PTPRK: variants seen among roughly 807,000 people sequenced by gnomAD.
PTPRK encodes the protein protein tyrosine phosphatase receptor type K.
A neutral mutation model predicts 178.0 loss-of-function variants in PTPRK; 75 were observed. The observed-to-expected ratio is 0.42, with a 90% confidence interval of 0.35 to 0.51. The LOEUF (loss-of-function observed/expected upper bound fraction) is 0.51. PTPRK is among the 20% of genes least tolerant of loss of function. The pLI, the probability that PTPRK is intolerant of heterozygous loss-of-function variation, is 0.02. For synonymous variants in PTPRK, 637 were observed against 620.6 expected (o/e 1.03, Z -0.39); for missense variants, 1,441 against 1,797.8 (o/e 0.80, Z 3.59).
intron 2 of PTPRK, among the ~76,000 whole-genome samples, chr6:128,385,121 T>C (rs1838515752): frequency 6.7e-6 from 1 of 149,440 alleles, no homozygotes; most frequent in Admixed American, 6.7e-5. Context: ...AATTTTAAAA[T>C]ACTGGTATTA....
chr6:128,105,022 C>T (rs1457498634), intron 7 of PTPRK, among the ~76,000 whole-genome samples: 1 of 151,920 alleles, frequency 6.6e-6, no homozygotes, highest in Non-Finnish European at 1.5e-5. Context: ...TAATGATATT[C>T]ATTTTTAATT....
Position 127,976,682 on chromosome 6 carries a change from A to C in PTPRK, c.3944T>G (p.Ile1315Ser). 6.2e-7 allele frequency: 1 copy of C among 1,614,062 alleles called. No individual in the cohort carries two copies. The stretch of plus-strand genomic sequence containing the variant: ...TCTTGTTAGATTGCATATCCTAAAA[A>C]TCCGGTTGATCACATCACAGTCCAT... ...CSMDCDVINR[I>S]FRICNLTRPQ... The change falls in exon 27 of 30, where the codon ATT (isoleucine) becomes AGT (serine). Residue 1315 changes from isoleucine to serine, a missense_variant. Ile to Ser is a moderately radical substitution (Grantham distance 142, BLOSUM62 -2). This residue lies in a region of PTPRK where 335 missense variants were observed against 512.4 expected (regional missense o/e 0.65). Coordinates refer to ENST00000368226, the MANE Select transcript of PTPRK (RefSeq NM_002844.4).
chr6:128,231,168 C>T (rs1034238357), intron 5 of PTPRK, among the ~76,000 whole-genome samples: 2 of 152,132 alleles, frequency 1.3e-5, no homozygotes, highest in Non-Finnish European at 2.9e-5. Context: ...GATATGAGAT[C>T]GGTGACTTTA....
At chr6:128,044,843 A>G (rs1033545424) in intron 13 of PTPRK, among the ~76,000 whole-genome samples, 1 of 152,032 alleles carries the variant, frequency 6.6e-6, no homozygotes, top group Non-Finnish European at 1.5e-5. Context: ...GTGTGTGTAT[A>G]TATATATAGT....
chr6:128,233,156 G>A (rs916352217), intron 5 of PTPRK, among the ~76,000 whole-genome samples: 3 of 152,202 alleles, frequency 2.0e-5, no homozygotes, highest in African/African-American at 7.2e-5. Context: ...AAACATCTGG[G>A]CTTGCCAAAT....
At position 128,080,849 on chromosome 6, in the gene PTPRK, T is replaced by A. The variant is rs1784690913; in HGVS notation, c.1777+1588A>T. ...ATTAATAATTGTTCTTAACATAAAGTGATTGCAACCAAGTTTTTAAAGTAC... is the reference window on the plus strand; with the variant it reads ...ATTAATAATTGTTCTTAACATAAAGAGATTGCAACCAAGTTTTTAAAGTAC... On this transcript the variant is annotated intron_variant, in intron 10 of 29. Transcript: ENST00000368226. Among the ~76,000 whole-genome samples the A allele has an allele frequency of 4.6e-5, 7 of 152,048 alleles. No individual in the cohort carries two copies. In the South Asian group the frequency reaches 1.4e-3, roughly 31 times the overall value.
chr6:128,392,618 CAT>C (rs1460916623), intron 2 of PTPRK, among the ~76,000 whole-genome samples: 9 of 152,092 alleles, frequency 5.9e-5, no homozygotes, highest in Admixed American at 5.2e-4. Context: ...CAAGAACACA[CAT>C]GTCTTTGAGA....
At chr6:128,376,083 C>T (rs994889688) in intron 2 of PTPRK, among the ~76,000 whole-genome samples, 1 of 152,134 alleles carries the variant, frequency 6.6e-6, no homozygotes, top group Non-Finnish European at 1.5e-5. Context: ...AGTGGATCTA[C>T]TATTCTGGTG....
chr6:128,520,380 A>G lies in PTPRK; in HGVS notation c.-22T>C. On this transcript the variant is annotated 5_prime_UTR_variant, in exon 1 of 30. Transcript: ENST00000368226. The stretch of plus-strand genomic sequence containing the variant: ...CCATGCCGAGTTTGGGAGAAGTTTC[A>G]AGCAGCTTTGCAAAGAGCTGCCGGG... 1 of 1,588,540 alleles carries G rather than the reference A, an allele frequency of 6.3e-7. No homozygotes were observed. Among genetic ancestry groups the G allele is most frequent in the Non-Finnish European group, 8.6e-7 (1 of 1,166,824 alleles).
chr6:128,499,547 C>G (rs879451211), intron 1 of PTPRK, among the ~76,000 whole-genome samples: 3 of 152,204 alleles, frequency 2.0e-5, no homozygotes, highest in Non-Finnish European at 4.4e-5. Context: ...ACTCTATGCT[C>G]TTTGCACTGT....
intron 19 of PTPRK, among the ~76,000 whole-genome samples, chr6:127,991,843 T>C (rs768399135): frequency 2.6e-5 from 4 of 151,724 alleles, no homozygotes; most frequent in African/African-American, 4.8e-5. Context: ...AATCTTATCA[T>C]AATATCTCCA....
intron 7 of PTPRK, among the ~76,000 whole-genome samples, chr6:128,162,546 A>G (rs370597593): frequency 7.9e-5 from 12 of 151,814 alleles, no homozygotes; most frequent in African/African-American, 2.4e-4. Flanking sequence ...TTTAGAAATA[A>G]TTGATTGAAT....
rs113586429 is a variant in PTPRK at position 128,306,654 on chromosome 6, G to A, written c.495+15385C>T. 6.3e-3 allele frequency among the ~76,000 whole-genome samples: 959 copies of A among 152,062 alleles called. 13 individuals are homozygous for A. The highest frequency in any genetic ancestry group is 0.022 in the African/African-American group (915 of 41,480). On this transcript the variant is annotated intron_variant, in intron 3 of 29. Coordinates refer to ENST00000368226, the MANE Select transcript of PTPRK (RefSeq NM_002844.4). ...GAAAAAAAAAATTTAAAAATTAGCC[G>A]GGTGTGGTGGCATGTGCCTGTAGTC...
intron 1 of PTPRK, among the ~76,000 whole-genome samples, chr6:128,493,542 A>C (rs536286246): frequency 4.0e-4 from 59 of 147,318 alleles, no homozygotes; most frequent in Non-Finnish European, 7.3e-4. Context: ...AGCTGGGTGA[A>C]AGAGCGAGAC....
At chr6:128,221,652 G>T (rs926875640) in intron 5 of PTPRK, among the ~76,000 whole-genome samples, 23 of 151,668 alleles carry the variant, frequency 1.5e-4, no homozygotes, top group Admixed American at 9.2e-4. Context: ...ATATGTTTCT[G>T]CATATGCATA....
intron 4 of PTPRK, chr6:128,241,419 G>A: frequency 2.3e-6 from 1 of 439,190 alleles, no homozygotes; most frequent in Non-Finnish European, 4.6e-6. Context: ...CACAGCTGTA[G>A]GTGATTCCGA....
intron 5 of PTPRK, among the ~76,000 whole-genome samples, chr6:128,232,963 C>T (rs1389539720): frequency 6.6e-6 from 1 of 152,188 alleles, no homozygotes; most frequent in African/African-American, 2.4e-5. Context: ...ATCAAGTTGA[C>T]TTTAAAAACC....
intron 7 of PTPRK, among the ~76,000 whole-genome samples, chr6:128,112,249 T>A (rs1790791285): frequency 1.3e-5 from 2 of 152,104 alleles, no homozygotes; most frequent in African/African-American, 4.8e-5. Context: ...AGTACTTAGT[T>A]TGAATCACAC....
intron 7 of PTPRK, among the ~76,000 whole-genome samples, chr6:128,090,426 T>C (rs1562565722): frequency 6.6e-6 from 1 of 152,240 alleles, no homozygotes; most frequent in Non-Finnish European, 1.5e-5. Flanking sequence ...TACGAATTAT[T>C]CTAATTGTAA....
Sources: gnomAD v4.1 joint callset for allele counts (sites outside exome capture counted in the v4.1 genomes callset) on GRCh38, gnomAD v4.1.1 for gene constraint, gnomAD v4.1.1 regional missense constraint, MANE v1.5 for transcripts, NCBI Gene and HGNC (gene_info 2026-07-23, HGNC 2026-07-21) for gene names.